The following TBC1D1 variants were observed in gnomAD, a reference collection of about 807,000 sequenced individuals.
TBC1D1 encodes the protein TBC1 (tre-2/USP6, BUB2, cdc16) domain family, member 1.
TBC1D1 carries 89 observed loss-of-function variants against 125.6 expected under a neutral mutation model. That is an observed-to-expected ratio of 0.71 (90% CI 0.60 to 0.85). TBC1D1 has a LOEUF of 0.85. TBC1D1 is among the 40% of genes least tolerant of loss of function. The pLI, the probability that TBC1D1 is intolerant of heterozygous loss-of-function variation, is 0.00. For synonymous variants in TBC1D1, 565 were observed against 564.1 expected, an observed-to-expected ratio of 1.00 and a Z score of -0.02; for missense variants, 1,377 against 1,469.2, an observed-to-expected ratio of 0.94 and a Z score of 1.03.
chr4:38,014,729 G>GACC lies in TBC1D1; in HGVS notation c.638_639insACC (p.Pro214dup). On this transcript the variant is annotated inframe_insertion, in exon 3 of 20. Transcript: ENST00000261439. The surrounding 1 kb of genome is among the most constrained non-coding windows in gnomAD (Gnocchi z 5.1). ...GGCAGCCGGGGGTCCGAGAGCCCCCGCCCCAACCCGCCCCATGCCGCGCCC... is the reference window on the plus strand; with the variant it reads ...GGCAGCCGGGGGTCCGAGAGCCCCCGACCCCCCAACCCGCCCCATGCCGCGCCC... 1.2e-6 allele frequency: 1 copy of GACC among 806,356 alleles called. No individual in the cohort carries two copies. The allele number at this position is 806,356 out of a possible 1,614,324, so 50.0% of individuals were successfully genotyped here.
chr4:37,900,930 G>C (rs1715834918), intron 1 of TBC1D1, among the ~76,000 whole-genome samples: 1 of 151,862 alleles, frequency 6.6e-6, no homozygotes, highest in Non-Finnish European at 1.5e-5. Context: ...AAATTAGCCA[G>C]GTGTGGTGGT....
rs545524934 is a variant in TBC1D1, at chr4:37,995,735, C to T, written c.418-18774C>T. ...AAGTATTTGGAAATGGTTGTCTGGA[C>T]GGCTTGCACTTTGGTCTTAACTGCA... is the stretch of plus-strand genomic sequence containing the variant. On this transcript the variant is annotated intron_variant, in intron 2 of 19. Coordinates refer to ENST00000261439, the MANE Select transcript of TBC1D1 (RefSeq NM_015173.4). This position sits in a 1 kb window ranked among gnomAD's most constrained non-coding sequence, Gnocchi z 4.3. 11 of 528,332 alleles carry T rather than the reference C, an allele frequency of 2.1e-5. No individual in the cohort carries two copies. Among genetic ancestry groups the T allele is most frequent in the East Asian group, 1.6e-4 (3 of 18,902 alleles). The allele number at this position is 528,332 out of a possible 1,614,324, so 32.7% of individuals were successfully genotyped here.
Position 38,107,577 on chromosome 4 carries a change from G to GTTTTT in TBC1D1, c.2557+4440_2557+4444dup, listed in dbSNP as rs3038351. Reference sequence around the variant, plus strand: ...TGAAATTGGCTTTTAGTCTAAACAGGTTTTTTTTTTTTTTTTTTTTTTTTG... The same window carrying GTTTTT: ...TGAAATTGGCTTTTAGTCTAAACAGGTTTTTTTTTTTTTTTTTTTTTTTTTTTTTG... On this transcript the variant is annotated intron_variant, in intron 15 of 19. Coordinates refer to ENST00000261439, the MANE Select transcript of TBC1D1 (RefSeq NM_015173.4). Among the ~76,000 whole-genome samples, 515 of 53,064 alleles carry GTTTTT rather than the reference G, an allele frequency of 9.7e-3. 40 individuals are homozygous for GTTTTT. Among genetic ancestry groups the GTTTTT allele is most frequent in the African/African-American group, 0.037 (444 of 11,864 alleles). 34.8% of individuals were successfully genotyped at this position (53,064 alleles called of 152,430 possible).
rs1765932471 is a variant in TBC1D1 at position 38,133,377 on chromosome 4, G to A, written c.3306+120G>A. The A allele has an allele frequency of 7.3e-6, 6 of 822,828 alleles. No individual in the cohort carries two copies. The Admixed American group carries it at 8.6e-5, about 12-fold the overall frequency. The allele number at this position is 822,828 out of a possible 1,614,324, so 51.0% of individuals were successfully genotyped here. A position where few individuals can be genotyped will look rare whatever the true frequency, so the allele number is the denominator to read the frequency against. On this transcript the variant is annotated intron_variant, in intron 19 of 19. Coordinates refer to ENST00000261439, the MANE Select transcript of TBC1D1 (RefSeq NM_015173.4). The stretch of plus-strand genomic sequence containing the variant: ...CAGAGGACCTTTCCCACCCTGATCT[G>A]TTTATAGTTGGGATCAAAGGTATCC...
intron 2 of TBC1D1, among the ~76,000 whole-genome samples, chr4:37,948,538 A>G (rs535564771): frequency 4.7e-4 from 72 of 151,888 alleles, no homozygotes; most frequent in Non-Finnish European, 1.0e-3. Context: ...GAGGCAGGAG[A>G]ATTTCTTGAA....
In TBC1D1 at chr4:38,014,208, G is replaced by C. The variant is rs553338358; in HGVS notation, c.418-301G>C. ...GCTAGGTTGGGCTGTGTGTGTTCCC[G>C]GGCTGGTGGTTTAACCTTGCAGGGT... On this transcript the variant is annotated intron_variant, in intron 2 of 19. Coordinates refer to ENST00000261439, the MANE Select transcript of TBC1D1 (RefSeq NM_015173.4). This position sits in a 1 kb window ranked among gnomAD's most constrained non-coding sequence, Gnocchi z 5.1. Among the ~76,000 whole-genome samples, 3 of 152,244 alleles carry C rather than the reference G, an allele frequency of 2.0e-5. No individual in the cohort carries two copies. Among genetic ancestry groups the C allele is most frequent in the Admixed American group, 6.5e-5 (1 of 15,302 alleles).
intron 2 of TBC1D1, among the ~76,000 whole-genome samples, chr4:37,976,360 A>G (rs1733081401): frequency 6.6e-6 from 1 of 152,202 alleles, no homozygotes; most frequent in African/African-American, 2.4e-5. Context: ...TCCAGCTAAG[A>G]TGCTCCTGGA....
intron 2 of TBC1D1, among the ~76,000 whole-genome samples, chr4:37,987,950 G>T (rs1032839958): frequency 1.1e-4 from 16 of 152,128 alleles, no homozygotes; most frequent in African/African-American, 3.9e-4. Flanking sequence ...ATGTTTTATC[G>T]GCCTATAGAT....
chr4:37,926,695 T>C (rs1722196646), intron 2 of TBC1D1, among the ~76,000 whole-genome samples: 2 of 152,246 alleles, frequency 1.3e-5, no homozygotes, highest in African/African-American at 4.8e-5. Flanking sequence ...TACTTGGACG[T>C]GGACATCGGT....
intron 2 of TBC1D1, among the ~76,000 whole-genome samples, chr4:37,968,743 T>A (rs1403770928): frequency 6.6e-6 from 1 of 152,046 alleles, no homozygotes; most frequent in Non-Finnish European, 1.5e-5. Flanking sequence ...AAAATGTGAG[T>A]GTGGGTGTGT....
At chr4:38,013,073 A>G (rs559697793) in intron 2 of TBC1D1, among the ~76,000 whole-genome samples, 381 of 152,302 alleles carry the variant, frequency 2.5e-3, no homozygotes, top group Non-Finnish European at 3.8e-3. Flanking sequence ...GATTACAGGC[A>G]TGAGCCACTG....
intron 6 of TBC1D1, among the ~76,000 whole-genome samples, chr4:38,024,774 A>T (rs986971921): frequency 6.6e-6 from 1 of 152,238 alleles, no homozygotes; most frequent in Non-Finnish European, 1.5e-5. Flanking sequence ...TGTTGGTGTA[A>T]AAGTAGTTCT....
chr4:37,992,037 A>G (rs150100593), intron 2 of TBC1D1, among the ~76,000 whole-genome samples: 15 of 152,320 alleles, frequency 9.8e-5, no homozygotes, highest in African/African-American at 3.1e-4. Flanking sequence ...TAAGGCAGGA[A>G]GAGTTGAGTG....
intron 19 of TBC1D1, among the ~76,000 whole-genome samples, chr4:38,136,800 C>T (rs1469085455): frequency 6.6e-6 from 1 of 152,182 alleles, no homozygotes; most frequent in East Asian, 1.9e-4. Context: ...CTGAAGCATT[C>T]TTTGGCCCTA....
chr4:38,055,761 C>T (rs1030702323), intron 12 of TBC1D1, among the ~76,000 whole-genome samples: 1 of 152,158 alleles, frequency 6.6e-6, no homozygotes, highest in Admixed American at 6.5e-5. Flanking sequence ...TCCCCTGCCC[C>T]GTGGAGAGGT....
intron 12 of TBC1D1, among the ~76,000 whole-genome samples, chr4:38,070,986 G>A (rs1262019916): frequency 1.3e-5 from 2 of 152,188 alleles, no homozygotes; most frequent in Non-Finnish European, 2.9e-5. Flanking sequence ...TCTCTTGTGG[G>A]CTGGAACTGC....
chr4:37,944,767 G>C (rs1726310365), intron 2 of TBC1D1, among the ~76,000 whole-genome samples: 1 of 152,200 alleles, frequency 6.6e-6, no homozygotes, highest in African/African-American at 2.4e-5. Context: ...GGAATTCCCT[G>C]ATCCCTTGTG....
chr4:37,973,133 C>T (rs1320236443), intron 2 of TBC1D1, among the ~76,000 whole-genome samples: 1 of 152,152 alleles, frequency 6.6e-6, no homozygotes, highest in East Asian at 1.9e-4. Flanking sequence ...AATTCAAAGG[C>T]TCCTCCTACT....
At chr4:37,930,007 C>T (rs1447216494) in intron 2 of TBC1D1, among the ~76,000 whole-genome samples, 1 of 152,084 alleles carries the variant, frequency 6.6e-6, no homozygotes, top group Non-Finnish European at 1.5e-5. Context: ...ACCCCATGAC[C>T]CGGCAGTTCC....
Sources: gnomAD v4.1 joint callset for allele counts (sites outside exome capture counted in the v4.1 genomes callset) on GRCh38, gnomAD v4.1.1 for gene constraint, Gnocchi (gnomAD v3.1) non-coding constraint, MANE v1.5 for transcripts, NCBI Gene and HGNC (gene_info 2026-07-23, HGNC 2026-07-21) for gene names.